The following BLVRA variants were observed in gnomAD, a reference collection of about 807,000 sequenced individuals.
The protein encoded by BLVRA is biliverdin reductase A, also known as BVR A.
In BLVRA, 22 loss-of-function variants were observed where a neutral mutation model predicts 32.8. The observed-to-expected ratio is 0.67, with a 90% confidence interval of 0.48 to 0.96. The LOEUF is 0.96. BLVRA is among the 40% of genes least tolerant of loss of function. The probability of loss-of-function intolerance (pLI) is 0.00; values close to 1 mark genes in which losing one functional copy is unlikely to be tolerated. For synonymous variants in BLVRA, 119 were observed against 141.3 expected (o/e 0.84, Z 1.12); for missense variants, 323 against 358.1 (o/e 0.90, Z 0.79).
At position 43,771,224 on chromosome 7, in the gene BLVRA, A is replaced by G; in HGVS notation, c.12+54A>G. On this transcript the variant is annotated intron_variant, in intron 2 of 7. Coordinates refer to ENST00000265523, the MANE Select transcript of BLVRA (RefSeq NM_000712.4). ...GGATGCTTTTCTTATTGTGTCCCTCATTTCTCCTTTGCAGAGTCTCCATTC... is the reference window on the plus strand; with the variant it reads ...GGATGCTTTTCTTATTGTGTCCCTCGTTTCTCCTTTGCAGAGTCTCCATTC... 14 of 1,588,646 alleles carry G rather than the reference A, an allele frequency of 8.8e-6. No individual in the cohort carries two copies. The South Asian group carries it at 1.4e-4, about 16-fold the overall frequency.
chr7:43,762,832 G>A (rs1010082609), intron 1 of BLVRA, among the ~76,000 whole-genome samples: 2 of 151,846 alleles, frequency 1.3e-5, no homozygotes, highest in African/African-American at 2.4e-5. Flanking sequence ...GGATGGTCTC[G>A]ATCTCTTGAC....
chr7:43,799,423 C>T (rs918811890), intron 5 of BLVRA, among the ~76,000 whole-genome samples: 1 of 151,876 alleles, frequency 6.6e-6, no homozygotes, highest in Admixed American at 6.6e-5. Flanking sequence ...TTTTATAGAG[C>T]GAAAAAATTT....
At chr7:43,776,043 T>C (rs1399602224) in intron 2 of BLVRA, among the ~76,000 whole-genome samples, 4 of 152,246 alleles carry the variant, frequency 2.6e-5, no homozygotes, top group Non-Finnish European at 5.9e-5. Context: ...TCTTATTTAT[T>C]AGTCTTGCTA....
intron 6 of BLVRA, among the ~76,000 whole-genome samples, 164 bp downstream of exon 6, chr7:43,800,736 G>C (rs1405735437): frequency 1.3e-5 from 2 of 152,076 alleles, no homozygotes; most frequent in African/African-American, 4.8e-5. Context: ...GTGGCCCTTG[G>C]GTAAAGAGTA....
chr7:43,793,190 A>G (rs776482625), intron 5 of BLVRA, among the ~76,000 whole-genome samples: 13 of 152,128 alleles, frequency 8.5e-5, no homozygotes, highest in Non-Finnish European at 1.3e-4. Context: ...CATAGTTTGT[A>G]GTTTTTGTTG....
chr7:43,790,097 C>T (rs1433173997), intron 3 of BLVRA, among the ~76,000 whole-genome samples: 1 of 152,138 alleles, frequency 6.6e-6, no homozygotes, highest in Non-Finnish European at 1.5e-5. Flanking sequence ...ATGCTTTCTG[C>T]CTGCTGCAGC....
chr7:43,767,966 C>T (rs933828340), intron 1 of BLVRA, among the ~76,000 whole-genome samples: 3 of 152,100 alleles, frequency 2.0e-5, no homozygotes, highest in Non-Finnish European at 4.4e-5. Context: ...AGTAGAATTG[C>T]TAGGTCAGAT....
At chr7:43,774,334 T>C (rs1042396650) in intron 2 of BLVRA, among the ~76,000 whole-genome samples, 20 of 152,192 alleles carry the variant, frequency 1.3e-4, no homozygotes, top group African/African-American at 2.4e-4. Context: ...AAGGAAGGGA[T>C]CCAGTTTCAG....
chr7:43,785,004 G>A (rs1585728093), intron 2 of BLVRA, among the ~76,000 whole-genome samples: 1 of 152,234 alleles, frequency 6.6e-6, no homozygotes, highest in East Asian at 1.9e-4. Flanking sequence ...GACACACTGT[G>A]CAAGCCAGGT....
chr7:43,795,528 A>G (rs1279816340), intron 5 of BLVRA, among the ~76,000 whole-genome samples: 1 of 152,172 alleles, frequency 6.6e-6, no homozygotes, highest in African/African-American at 2.4e-5. Context: ...AAAACAAAAC[A>G]ATACAAAACT....
At chr7:43,801,898 G>C (rs1318665163) in intron 6 of BLVRA, among the ~76,000 whole-genome samples, 1 of 152,124 alleles carries the variant, frequency 6.6e-6, no homozygotes, top group East Asian at 1.9e-4. Flanking sequence ...ACTTGGGGAA[G>C]CTGAGGCTGG....
intron 2 of BLVRA, among the ~76,000 whole-genome samples, chr7:43,778,182 G>C (rs1254210488): frequency 1.3e-5 from 2 of 152,228 alleles, no homozygotes; most frequent in Non-Finnish European, 2.9e-5. Context: ...TCCGTTGCTG[G>C]TGAGGAACTG....
intron 5 of BLVRA, among the ~76,000 whole-genome samples, chr7:43,793,744 C>T (rs909086112): frequency 6.6e-6 from 1 of 151,778 alleles, no homozygotes; most frequent in African/African-American, 2.4e-5. Flanking sequence ...CTTCCTCAGC[C>T]TCCTGAGTAG....
chr7:43,765,332 A>G (rs1167218926), intron 1 of BLVRA, among the ~76,000 whole-genome samples: 1 of 150,542 alleles, frequency 6.6e-6, no homozygotes, highest in Non-Finnish European at 1.5e-5. Flanking sequence ...GCTCACTGCA[A>G]CCTCTGCCTC....
intron 1 of BLVRA, among the ~76,000 whole-genome samples, chr7:43,762,522 C>T (rs2132541119): frequency 6.6e-6 from 1 of 151,146 alleles, no homozygotes; most frequent in South Asian, 2.1e-4. Flanking sequence ...TGAGATTTTG[C>T]ATCTCTCCCA....
intron 1 of BLVRA, among the ~76,000 whole-genome samples, 161 bp downstream of exon 1, chr7:43,758,895 C>T (rs1201048887): frequency 1.3e-5 from 2 of 151,910 alleles, no homozygotes; most frequent in Non-Finnish European, 2.9e-5. Context: ...CCTGCCCCGC[C>T]CCGCCCCGCC....
At chr7:43,784,531 T>C (rs2095774445) in intron 2 of BLVRA, among the ~76,000 whole-genome samples, 1 of 152,002 alleles carries the variant, frequency 6.6e-6, no homozygotes, top group Non-Finnish European at 1.5e-5. Flanking sequence ...AAGTAATTTT[T>C]CTCAAAAATA....
At chr7:43,782,290 AGTT>A (rs2095770790) in intron 2 of BLVRA, among the ~76,000 whole-genome samples, 1 of 152,216 alleles carries the variant, frequency 6.6e-6, no homozygotes, top group Admixed American at 6.5e-5. Flanking sequence ...AAGCAAAACT[AGTT>A]GTGGCCCAGA....
At chr7:43,761,131 A>C (rs753439058) in intron 1 of BLVRA, among the ~76,000 whole-genome samples, 11 of 152,198 alleles carry the variant, frequency 7.2e-5, no homozygotes, top group Non-Finnish European at 1.3e-4. Context: ...GATCTGCCTT[A>C]TGGTCAGAAA....
Sources: allele counts gnomAD v4.1 joint callset (sites outside exome capture counted in the v4.1 genomes callset), GRCh38; gene constraint gnomAD v4.1.1; transcripts MANE v1.5; gene names NCBI Gene and HGNC (gene_info 2026-07-23, HGNC 2026-07-21).